The following RHBDD1 variants were observed in gnomAD, a reference collection of about 807,000 sequenced individuals.
The protein encoded by RHBDD1 is rhomboid domain containing 1.
RHBDD1 carries 38 observed loss-of-function variants against 36.3 expected under a neutral mutation model. The observed-to-expected ratio is 1.05, with a 90% CI of 0.81 to 1.37. RHBDD1 has a LOEUF of 1.37. Ranked by LOEUF, RHBDD1 falls within the 40% of genes most tolerant of loss-of-function variation. RHBDD1 has a pLI of 0.00. For synonymous variants in RHBDD1, 151 were observed against 136.5 expected, an observed-to-expected ratio of 1.11 and a Z score of -0.74; for missense variants, 393 against 377.6, an observed-to-expected ratio of 1.04 and a Z score of -0.34.
the RHBDD1 span, among the ~76,000 whole-genome samples, chr2:226,828,649 TCC>T: frequency 1.3e-5 from 2 of 152,196 alleles, no homozygotes; most frequent in Non-Finnish European, 2.9e-5. Flanking sequence ...ATTTGCATTT[TCC>T]AAATGACTAA....
chr2:226,919,223 G>T (rs764857026), intron 8 of RHBDD1, among the ~76,000 whole-genome samples: 4 of 151,958 alleles, frequency 2.6e-5, no homozygotes, highest in African/African-American at 7.2e-5. Context: ...CTTGTTATTA[G>T]CCTCTTGTCA....
chr2:226,800,810 A>G, the RHBDD1 span, among the ~76,000 whole-genome samples: 1 of 152,212 alleles, frequency 6.6e-6, no homozygotes, highest in Non-Finnish European at 1.5e-5. Context: ...GACCACAAGG[A>G]TAACAGGGAG....
intron 5 of RHBDD1, among the ~76,000 whole-genome samples, chr2:226,888,985 A>C (rs1282271057): frequency 6.6e-6 from 1 of 152,230 alleles, no homozygotes; most frequent in Admixed American, 6.6e-5. Flanking sequence ...GTGTCTGGGA[A>C]CATTAAGTTC....
the RHBDD1 span, among the ~76,000 whole-genome samples, chr2:226,820,490 A>T: frequency 6.6e-6 from 1 of 152,020 alleles, no homozygotes; most frequent in Non-Finnish European, 1.5e-5. Flanking sequence ...AGAATTCCAT[A>T]GAGAAGTAAC....
chr2:226,843,543 T>A (rs1258752302), intron 3 of RHBDD1, among the ~76,000 whole-genome samples: 1 of 152,200 alleles, frequency 6.6e-6, no homozygotes, highest in East Asian at 1.9e-4. Flanking sequence ...GGTTTTTGTC[T>A]TTAGTTCTGC....
rs146860429 is a variant in RHBDD1, at chr2:226,864,787, C to T, written c.94C>T (p.Leu32=). ...GATCAACAATATTCCACCTGTCACC[C>T]TAGCAACTTTGGCCCTCAACATCTG... is the stretch of plus-strand genomic sequence containing the variant. ...VGINNIPPVT[L]ATLALNIWFF... Residue 32 remains leucine, a synonymous_variant, in exon 4 of 9, where the codon CTA becomes TTA. Transcript: ENST00000392062. The T allele has an allele frequency of 1.2e-4, 197 of 1,614,188 alleles. 1 individual carries two copies. The African/African-American group carries it at 2.4e-3, about 19-fold the overall frequency.
At chr2:226,814,223 T>C in the RHBDD1 span, among the ~76,000 whole-genome samples, 1 of 152,072 alleles carries the variant, frequency 6.6e-6, no homozygotes, top group Non-Finnish European at 1.5e-5. Flanking sequence ...ATTTAAAGCA[T>C]TCAGCAACCT....
At chr2:226,872,843 A>G (rs1944900407) in intron 5 of RHBDD1, among the ~76,000 whole-genome samples, 1 of 152,366 alleles carries the variant, frequency 6.6e-6, no homozygotes, top group Non-Finnish European at 1.5e-5. Flanking sequence ...TTTGAGAATT[A>G]TAAACACAGG....
chr2:226,991,616 C>G (rs7604486), intron 8 of RHBDD1, among the ~76,000 whole-genome samples: 18,622 of 152,238 alleles, frequency 0.12, 1,251 homozygotes, highest in African/African-American at 0.16. Context: ...ATGTGGCACT[C>G]AGCTAATCAT....
At chr2:226,905,034 T>C (rs564902960) in intron 5 of RHBDD1, among the ~76,000 whole-genome samples, 1 of 152,154 alleles carries the variant, frequency 6.6e-6, no homozygotes, top group Non-Finnish European at 1.5e-5. Flanking sequence ...GGAATACATA[T>C]GTAAAAGCCA....
intron 8 of RHBDD1, among the ~76,000 whole-genome samples, chr2:226,921,952 A>G (rs562955813): frequency 6.6e-6 from 1 of 152,202 alleles, no homozygotes; most frequent in South Asian, 2.1e-4. Context: ...TGCAGCTATT[A>G]TTGTATTGGG....
chr2:226,941,079 TG>T (rs1950632814), intron 8 of RHBDD1, among the ~76,000 whole-genome samples: 1 of 152,004 alleles, frequency 6.6e-6, no homozygotes, highest in Non-Finnish European at 1.5e-5. Context: ...GCCTAGTAGC[TG>T]GGATTACAGG....
At chr2:226,974,089 C>CT (rs1954095708) in intron 8 of RHBDD1, among the ~76,000 whole-genome samples, 1 of 152,144 alleles carries the variant, frequency 6.6e-6, no homozygotes. Context: ...CCTGCGATTC[C>CT]TTTTTGCACA....
rs115823820 is a variant in RHBDD1, at chr2:226,849,339, C to T, written c.-91+9712C>T. On this transcript the variant is annotated intron_variant, in intron 3 of 8. Transcript: ENST00000392062. ...TTCCCTGGTGACATCCTACTGGCAC[C>T]GGTGGAGCGAGCATATGTGCAGGAA... Among the ~76,000 whole-genome samples, 1,004 of 152,304 alleles carry T rather than the reference C, an allele frequency of 6.6e-3. 15 individuals are homozygous for T. The highest frequency in any genetic ancestry group is 0.023 in the African/African-American group (962 of 41,550).
At chr2:226,828,680 CAT>C in the RHBDD1 span, among the ~76,000 whole-genome samples, 3 of 151,762 alleles carry the variant, frequency 2.0e-5, no homozygotes, top group South Asian at 4.2e-4. Flanking sequence ...AGAATATTTT[CAT>C]ATGTTTATTA....
At chr2:226,855,816 A>G (rs1022788846) in intron 3 of RHBDD1, among the ~76,000 whole-genome samples, 19 of 152,178 alleles carry the variant, frequency 1.2e-4, no homozygotes, top group Non-Finnish European at 2.8e-4. Context: ...TCCCATTACC[A>G]TCCTAATATA....
the RHBDD1 span, among the ~76,000 whole-genome samples, chr2:226,801,374 TAAAAAA>T: frequency 1.3e-5 from 2 of 151,674 alleles, no homozygotes; most frequent in East Asian, 1.9e-4. Flanking sequence ...CAAAGCGTAG[TAAAAAA>T]AGAAAAAGAA....
intron 5 of RHBDD1, 23 bp from the exon 6 acceptor site, chr2:226,906,770 C>A (rs770763800): frequency 6.2e-7 from 1 of 1,613,826 alleles, no homozygotes; most frequent in East Asian, 2.2e-5. Context: ...CAAACACTCA[C>A]AAAGGGTCTC....
At chr2:226,847,039 C>G (rs1942302750) in intron 3 of RHBDD1, among the ~76,000 whole-genome samples, 2 of 152,184 alleles carry the variant, frequency 1.3e-5, no homozygotes, top group Admixed American at 1.3e-4. Flanking sequence ...TCATAATGTA[C>G]TCTGTGAACT....
Sources: gnomAD v4.1 joint callset for allele counts (sites outside exome capture counted in the v4.1 genomes callset) on GRCh38, gnomAD v4.1.1 for gene constraint, MANE v1.5 for transcripts, NCBI Gene and HGNC (gene_info 2026-07-23, HGNC 2026-07-21) for gene names.